The following EVL variants were observed in gnomAD, a reference collection of about 807,000 sequenced individuals.
EVL encodes ena/VASP-like protein.
A neutral mutation model predicts 59.6 loss-of-function variants in EVL; 21 were observed. The observed-to-expected ratio is 0.35, with a 90% CI of 0.25 to 0.51. The LOEUF is 0.51. Ranked by LOEUF, EVL falls within the 20% of genes least tolerant of loss-of-function variation. The probability of loss-of-function intolerance (pLI) is 0.97; values close to 1 mark genes in which losing one functional copy is unlikely to be tolerated. For synonymous variants in EVL, 198 were observed against 203.5 expected, an observed-to-expected ratio of 0.97 and a Z score of 0.23; for missense variants, 462 against 546.6, an observed-to-expected ratio of 0.85 and a Z score of 1.54.
intron 3 of EVL, chr14:100,106,799 T>A (rs888030244): frequency 2.8e-5 from 11 of 398,482 alleles, no homozygotes; most frequent in African/African-American, 2.3e-4. Flanking sequence ...GCCATGGAGA[T>A]AGCACAGTGT....
chr14:100,065,620 C>T (rs932547984), intron 1 of EVL, 109 bp downstream of exon 1: 6 of 558,796 alleles, frequency 1.1e-5, no homozygotes, highest in Admixed American at 8.3e-5. Flanking sequence ...GTATACTGAT[C>T]GAGAAGTCCA....
chr14:100,143,801 C>CG lies in EVL; in HGVS notation c.*63_*64insG. 1 of 1,576,460 alleles carries CG rather than the reference C, an allele frequency of 6.3e-7. No individual in the cohort carries two copies. The highest frequency in any genetic ancestry group is 1.8e-5 in the Admixed American group (1 of 56,186). On this transcript the variant is annotated 3_prime_UTR_variant, in exon 14 of 14. Transcript: ENST00000392920. ...CGGCGACAGAGGACAGCCAGAAGCC[C>CG]AGCCAGCCCCAGACTCCAGTGCACC...
intron 1 of EVL, among the ~76,000 whole-genome samples, chr14:99,973,066 G>C (rs1306049582): frequency 6.6e-6 from 1 of 152,076 alleles, no homozygotes; most frequent in Non-Finnish European, 1.5e-5. Flanking sequence ...CATTTTAGTT[G>C]TTTCTAGCTT....
intron 1 of EVL, among the ~76,000 whole-genome samples, chr14:100,053,944 G>T (rs1298075436): frequency 6.6e-6 from 1 of 151,676 alleles, no homozygotes; most frequent in East Asian, 1.9e-4. Context: ...ACTGTGCCCA[G>T]CCCCTCTTGC....
chr14:100,047,905 T>C (rs1382188185), intron 1 of EVL, among the ~76,000 whole-genome samples: 1 of 152,194 alleles, frequency 6.6e-6, no homozygotes. Flanking sequence ...ACTGGAACAA[T>C]TGGACACCCT....
rs1199274806 is a variant in EVL, at chr14:100,099,041, G to A, written c.358+1383G>A. On this transcript the variant is annotated intron_variant, in intron 3 of 13. Transcript: ENST00000392920. Reference sequence around the variant, plus strand: ...TAGTACTCAGAACCTGGAGGGCTGTGGCATTTAAATATCTACTGGCGCCAG... The same window carrying A: ...TAGTACTCAGAACCTGGAGGGCTGTAGCATTTAAATATCTACTGGCGCCAG... 2.0e-5 allele frequency among the ~76,000 whole-genome samples: 3 copies of A among 151,938 alleles called. No individual in the cohort carries two copies. In the East Asian group the frequency reaches 5.8e-4, roughly 29 times the overall value.
chr14:99,992,118 A>G (rs1270287432), intron 1 of EVL, among the ~76,000 whole-genome samples: 1 of 151,922 alleles, frequency 6.6e-6, no homozygotes, highest in Non-Finnish European at 1.5e-5. Context: ...GCCAGCAGTT[A>G]TTTTCTGTTC....
intron 1 of EVL, among the ~76,000 whole-genome samples, chr14:100,026,109 G>A (rs2061206577): frequency 6.6e-6 from 1 of 151,834 alleles, no homozygotes; most frequent in Admixed American, 6.6e-5. Flanking sequence ...AAATTAGCCG[G>A]GCATGGTGAC....
chr14:99,972,551 C>T lies in EVL; in HGVS notation c.5+494C>T, dbSNP rs1485612974. 6.6e-6 allele frequency among the ~76,000 whole-genome samples: 1 copy of T among 152,184 alleles called. No individual in the cohort carries two copies. The highest frequency in any genetic ancestry group is 2.4e-5 in the African/African-American group (1 of 41,438). On this transcript the variant is annotated intron_variant, in intron 1 of 13. Coordinates refer to the EVL transcript ENST00000402714. This position sits in a 1 kb window ranked among gnomAD's most constrained non-coding sequence, Gnocchi z 4.4. ...GTTTGGGCTTTTACAGGTGTAGTTTCCCCTCGACTTGGAGCCCGTCAACCC... is the reference window on the plus strand; with the variant it reads ...GTTTGGGCTTTTACAGGTGTAGTTTTCCCTCGACTTGGAGCCCGTCAACCC...
At chr14:100,038,558 C>A (rs2061420815) in intron 1 of EVL, among the ~76,000 whole-genome samples, 1 of 152,238 alleles carries the variant, frequency 6.6e-6, no homozygotes, top group Non-Finnish European at 1.5e-5. Flanking sequence ...ATTTGCATTT[C>A]ACTTGTCCCT....
At chr14:100,068,770 G>A (rs773992046) in intron 1 of EVL, among the ~76,000 whole-genome samples, 1 of 152,166 alleles carries the variant, frequency 6.6e-6, no homozygotes, top group Non-Finnish European at 1.5e-5. Flanking sequence ...TGGGGTGCTA[G>A]CTGGAAGAAT....
intron 1 of EVL, among the ~76,000 whole-genome samples, chr14:100,007,226 C>G (rs1197714793): frequency 6.6e-6 from 1 of 151,912 alleles, no homozygotes; most frequent in Admixed American, 6.6e-5. Context: ...TATTGGTTCC[C>G]TCTAGAAAGG....
At chr14:100,129,034 C>G (rs1888265378) in intron 6 of EVL, among the ~76,000 whole-genome samples, 1 of 152,218 alleles carries the variant, frequency 6.6e-6, no homozygotes, top group Non-Finnish European at 1.5e-5. Context: ...GAGTAATTTG[C>G]TCAAGTCACA....
intron 1 of EVL, chr14:99,974,856 C>T (rs538517035): frequency 6.6e-6 from 1 of 152,458 alleles, no homozygotes; most frequent in African/African-American, 2.4e-5. Flanking sequence ...TGCAAGTCTC[C>T]ATTTTTACTG....
At chr14:100,051,766 T>C (rs934596586) in intron 1 of EVL, among the ~76,000 whole-genome samples, 1 of 152,186 alleles carries the variant, frequency 6.6e-6, no homozygotes, top group Admixed American at 6.5e-5. Context: ...GGGGATAAAT[T>C]GGCGAGGGAG....
intron 3 of EVL, among the ~76,000 whole-genome samples, chr14:100,112,389 C>A (rs996149343): frequency 1.3e-5 from 2 of 152,192 alleles, no homozygotes; most frequent in Admixed American, 6.5e-5. Context: ...CCATTCCCCG[C>A]AAAGCAAGCA....
At chr14:100,102,863 T>C (rs927616281) in intron 3 of EVL, among the ~76,000 whole-genome samples, 3 of 152,136 alleles carry the variant, frequency 2.0e-5, no homozygotes, top group African/African-American at 4.8e-5. Context: ...TTTGTGAGGC[T>C]GAGGCGGGCG....
intron 1 of EVL, among the ~76,000 whole-genome samples, chr14:100,007,794 GGA>G (rs1157426041): frequency 6.6e-6 from 1 of 151,492 alleles, no homozygotes; most frequent in Non-Finnish European, 1.5e-5. Context: ...AGAGAGAGAG[GGA>G]GAGACAGACA....
At chr14:100,045,494 C>T (rs1184551085) in intron 1 of EVL, among the ~76,000 whole-genome samples, 1 of 152,200 alleles carries the variant, frequency 6.6e-6, no homozygotes, top group African/African-American at 2.4e-5. Context: ...AGAACTCTCT[C>T]GTGTAGGTCA....
Sources: allele counts gnomAD v4.1 joint callset (sites outside exome capture counted in the v4.1 genomes callset), GRCh38; gene constraint gnomAD v4.1.1; non-coding constraint Gnocchi (gnomAD v3.1); transcripts MANE v1.5; gene names NCBI Gene and HGNC (gene_info 2026-07-23, HGNC 2026-07-21).